Variants in TEK observed in about 807,000 individuals in gnomAD.
TEK encodes angiopoietin-1 receptor.
Under a neutral mutation model 131.8 loss-of-function variants are expected in TEK, and 43 were observed. That is an observed-to-expected ratio of 0.33 (90% CI 0.26 to 0.42). The LOEUF (loss-of-function observed/expected upper bound fraction) is 0.42. Ranked by LOEUF, TEK falls within the 10% of genes least tolerant of loss-of-function variation. The probability of loss-of-function intolerance (pLI) is 1.00; values close to 1 mark genes in which losing one functional copy is unlikely to be tolerated. For missense variants in TEK, 1,162 were observed against 1,384.4 expected, an observed-to-expected ratio of 0.84 and a Z score of 2.55; for synonymous variants, 580 against 491.6, an observed-to-expected ratio of 1.18 and a Z score of -2.38.
In TEK at chr9:27,197,531, G is replaced by A. The variant is rs762196494; in HGVS notation, c.1841G>A (p.Arg614Gln). 1.2e-6 allele frequency: 2 copies of A among 1,614,026 alleles called. No homozygotes were observed. The highest frequency in any genetic ancestry group is 8.5e-7 in the Non-Finnish European group (1 of 1,180,000). ...CATCCCAGGGAGCAGTACGTGGTCCGAGCTAGAGTCAACACCAAGGCCCAG... is the reference window on the plus strand; with the variant it reads ...CATCCCAGGGAGCAGTACGTGGTCCAAGCTAGAGTCAACACCAAGGCCCAG... ...NLHPREQYVV[R>Q]ARVNTKAQGE... Residue 614 changes from arginine (R) to glutamine (Q), a missense_variant, in exon 12 of 23, where the codon CGA becomes CAA. Physicochemically the swap from Arg to Gln is conservative, Grantham distance 43 (BLOSUM62 1). Transcript: ENST00000380036.
chr9:27,161,923 A>C (rs1823561565), intron 2 of TEK, among the ~76,000 whole-genome samples: 1 of 152,244 alleles, frequency 6.6e-6, no homozygotes, highest in Admixed American at 6.5e-5. Context: ...TGATTATTGT[A>C]ATTTCTTTGA....
At chr9:27,165,171 G>A (rs907535985) in intron 2 of TEK, among the ~76,000 whole-genome samples, 3 of 152,168 alleles carry the variant, frequency 2.0e-5, no homozygotes, top group African/African-American at 7.2e-5. Context: ...GAGTGGTGGG[G>A]GGAAAGCTAC....
At chr9:27,121,803 C>T (rs1207738864) in intron 1 of TEK, among the ~76,000 whole-genome samples, 2 of 152,154 alleles carry the variant, frequency 1.3e-5, no homozygotes, top group African/African-American at 4.8e-5. Context: ...ACTGCTATAA[C>T]CAGATGAGTT....
chr9:27,223,018 A>T (rs1389712971), intron 21 of TEK, among the ~76,000 whole-genome samples: 2 of 152,198 alleles, frequency 1.3e-5, no homozygotes, highest in Admixed American at 1.3e-4. Flanking sequence ...ATCAAAGGAG[A>T]CAAAGAAGGA....
At chr9:27,176,689 TG>T (rs1467381253) in intron 6 of TEK, among the ~76,000 whole-genome samples, 1 of 152,232 alleles carries the variant, frequency 6.6e-6, no homozygotes, top group Non-Finnish European at 1.5e-5. Context: ...TCTGTGTGTG[TG>T]GGTGTGGTGA....
intron 6 of TEK, among the ~76,000 whole-genome samples, chr9:27,175,242 G>GT (rs1333323185): frequency 6.7e-6 from 1 of 149,128 alleles, no homozygotes; most frequent in Admixed American, 6.7e-5. Context: ...ACGGTGTTTG[G>GT]TTTTTTGTCC....
At position 27,173,227 on chromosome 9, in the gene TEK, G is replaced by A; in HGVS notation, c.766G>A (p.Glu256Lys). 6.2e-7 allele frequency: 1 copy of A among 1,613,978 alleles called. No homozygotes were observed. Among genetic ancestry groups the A allele is most frequent in the South Asian group, 1.1e-5 (1 of 91,066 alleles). Residue 256 changes from glutamate (E) to lysine (K), a missense_variant, in exon 6 of 23, where the codon GAA (glutamate) becomes AAA (lysine). Coordinates refer to ENST00000380036, the MANE Select transcript of TEK (RefSeq NM_000459.5). ...FMGRTCEKACELHTFGRTCKE... is the reference protein window; with the variant it reads ...FMGRTCEKACKLHTFGRTCKE... ...CTTTTCTTTTCCTCCCAAAGCTTGT[G>A]AACTGCACACGTTTGGCAGAACTTG... is the stretch of plus-strand genomic sequence containing the variant.
At chr9:27,183,726 T>C (rs958320021) in intron 8 of TEK, 116 bp downstream of exon 8, 1 of 1,403,750 alleles carries the variant, frequency 7.1e-7, no homozygotes, top group Non-Finnish European at 1.0e-6. Context: ...TAGTGTGTTG[T>C]TGGCTTTGAT....
intron 2 of TEK, among the ~76,000 whole-genome samples, chr9:27,167,108 T>C (rs1823758325): frequency 6.6e-6 from 1 of 152,230 alleles, no homozygotes; most frequent in Non-Finnish European, 1.5e-5. Flanking sequence ...GAAACTCTTG[T>C]TGCTGGAAGA....
intron 6 of TEK, 125 bp from the exon 7 acceptor site, chr9:27,180,115 C>A (rs1308407217): frequency 1.5e-6 from 2 of 1,374,530 alleles, no homozygotes; most frequent in Admixed American, 1.8e-5. Flanking sequence ...AGATAAATTA[C>A]CCCCTACCTT....
At chr9:27,180,022 C>T (rs1337994844) in intron 6 of TEK, among the ~76,000 whole-genome samples, 2 of 152,058 alleles carry the variant, frequency 1.3e-5, no homozygotes, top group East Asian at 3.9e-4. Flanking sequence ...GTAGTTGTAC[C>T]TACAAGAAAG....
chr9:27,144,745 G>A (rs1471259131), intron 1 of TEK, among the ~76,000 whole-genome samples: 1 of 152,150 alleles, frequency 6.6e-6, no homozygotes, highest in African/African-American at 2.4e-5. Context: ...AAACTAAATG[G>A]TACAAGGCTG....
At chr9:27,215,306 A>G (rs1361263885) in intron 18 of TEK, among the ~76,000 whole-genome samples, 1 of 142,280 alleles carries the variant, frequency 7.0e-6, no homozygotes, top group Non-Finnish European at 1.6e-5. Context: ...CTGGGGAGGA[A>G]AGGGCCAGGT....
intron 15 of TEK, among the ~76,000 whole-genome samples, chr9:27,207,615 CTT>C (rs962948481): frequency 2.0e-5 from 3 of 152,194 alleles, no homozygotes; most frequent in African/African-American, 7.2e-5. Context: ...TTGTATAAGA[CTT>C]GACTGTGAGG....
chr9:27,196,762 CTTTTTTTTT>C (rs367911024), intron 11 of TEK, among the ~76,000 whole-genome samples: 9 of 99,286 alleles, frequency 9.1e-5, no homozygotes, highest in Non-Finnish European at 1.2e-4. Context: ...GTGCTATACA[CTTTTTTTTT>C]TTTTTTTTTT....
At chr9:27,137,357 T>A (rs1367349015) in intron 1 of TEK, among the ~76,000 whole-genome samples, 2 of 152,216 alleles carry the variant, frequency 1.3e-5, no homozygotes, top group African/African-American at 2.4e-5. Context: ...GTCGCTGAAA[T>A]AATTTGCTAA....
At chr9:27,155,584 AAAC>A (rs1457022403) in intron 1 of TEK, among the ~76,000 whole-genome samples, 1 of 152,252 alleles carries the variant, frequency 6.6e-6, no homozygotes, top group Non-Finnish European at 1.5e-5. Flanking sequence ...TTGCCATTAA[AAAC>A]AAATTATATG....
At chr9:27,162,712 T>G (rs748670713) in intron 2 of TEK, among the ~76,000 whole-genome samples, 3 of 152,000 alleles carry the variant, frequency 2.0e-5, no homozygotes, top group Non-Finnish European at 4.4e-5. Context: ...CATTCCACAA[T>G]TTTTCTTTTC....
chr9:27,214,244 C>T (rs545739615), intron 18 of TEK, among the ~76,000 whole-genome samples: 12 of 152,288 alleles, frequency 7.9e-5, no homozygotes, highest in South Asian at 4.1e-4. Context: ...CTAGAAGTAC[C>T]GCATCCCTGC....
Sources: gnomAD v4.1 joint callset for allele counts (sites outside exome capture counted in the v4.1 genomes callset) on GRCh38, gnomAD v4.1.1 for gene constraint, MANE v1.5 for transcripts, NCBI Gene and HGNC (gene_info 2026-07-23, HGNC 2026-07-21) for gene names.